UHRF2: variants seen among roughly 807,000 people sequenced by gnomAD.
UHRF2 encodes the protein E3 ubiquitin-protein ligase UHRF2.
Under a neutral mutation model 96.8 loss-of-function variants are expected in UHRF2, and 23 were observed. That is an observed-to-expected ratio of 0.24 (90% confidence interval 0.17 to 0.34). The LOEUF (loss-of-function observed/expected upper bound fraction) is 0.34. UHRF2 is among the 10% of genes least tolerant of loss of function. The pLI, the probability that UHRF2 is intolerant of heterozygous loss-of-function variation, is 1.00. For synonymous variants in UHRF2, 385 were observed against 332.6 expected, an observed-to-expected ratio of 1.16 and a Z score of -1.72; for missense variants, 685 against 981.5, an observed-to-expected ratio of 0.70 and a Z score of 4.04.
At chr9:6,484,787 T>TTA (rs199531374) in intron 8 of UHRF2, 1 of 113,158 alleles carries the variant, frequency 8.8e-6, no homozygotes. Context: ...ACTTCTTTCT[T>TTA]TTTTTTTTTT....
chr9:6,433,613 A>G (rs895563432), intron 2 of UHRF2, among the ~76,000 whole-genome samples: 1 of 152,044 alleles, frequency 6.6e-6, no homozygotes, highest in Admixed American at 6.6e-5. Context: ...TGCAAGAATG[A>G]CTCTTAGGTA....
At chr9:6,434,349 G>C (rs1005846107) in intron 3 of UHRF2, 176 bp downstream of exon 3, 4 of 655,508 alleles carry the variant, frequency 6.1e-6, no homozygotes, top group Non-Finnish European at 9.8e-6. Flanking sequence ...TTTAGCTCTC[G>C]ATTATCTCTG....
intron 4 of UHRF2, among the ~76,000 whole-genome samples, chr9:6,464,374 C>T (rs1822739187): frequency 6.6e-6 from 1 of 152,110 alleles, no homozygotes; most frequent in South Asian, 2.1e-4. Context: ...TTTTCTAATT[C>T]TGTGGCTTGT....
chr9:6,481,578 AT>A, intron 6 of UHRF2, 64 bp from the exon 7 acceptor site: 8 of 1,565,632 alleles, frequency 5.1e-6, no homozygotes, highest in Non-Finnish European at 6.9e-6. Flanking sequence ...AGGAAGGCTA[AT>A]ATTCTGTTAC....
intron 3 of UHRF2, among the ~76,000 whole-genome samples, chr9:6,444,550 CCT>C (rs1821374337): frequency 6.6e-6 from 1 of 152,096 alleles, no homozygotes; most frequent in Non-Finnish European, 1.5e-5. Flanking sequence ...CTGAGGGGAC[CCT>C]CTCTCTCCCT....
At chr9:6,478,730 G>A (rs760176184) in intron 6 of UHRF2, among the ~76,000 whole-genome samples, 1 of 152,164 alleles carries the variant, frequency 6.6e-6, no homozygotes, top group African/African-American at 2.4e-5. Context: ...ATTGGTATCT[G>A]TGAAAAATAG....
chr9:6,462,008 AAAT>A (rs529525400), intron 4 of UHRF2, among the ~76,000 whole-genome samples: 4 of 152,046 alleles, frequency 2.6e-5, no homozygotes, highest in Non-Finnish European at 4.4e-5. Context: ...AAAAAAAAAA[AAAT>A]AAGAGAAACA....
chr9:6,481,804 T>C, intron 7 of UHRF2, 38 bp downstream of exon 7: 1 of 1,594,258 alleles, frequency 6.3e-7, no homozygotes, highest in Admixed American at 1.9e-5. Flanking sequence ...TAATAGCAAG[T>C]TATAATATAT....
rs370826189 is a variant in UHRF2, at chr9:6,413,455, G to A, written c.-36G>A. On this transcript the variant is annotated 5_prime_UTR_variant, in exon 1 of 16. Transcript: ENST00000276893. ...GGGCGCGGCGCCCAGAGCTCAGGGG[G>A]AGACAAAGGGGACCGGTTCCTCTCT... 2.4e-5 allele frequency: 36 copies of A among 1,479,182 alleles called. No individual in the cohort carries two copies. The African/African-American group carries it at 2.5e-4, about 10-fold the overall frequency. The allele number at this position is 1,479,182 out of a possible 1,614,324, so 91.6% of individuals were successfully genotyped here. A position where few individuals can be genotyped will look rare whatever the true frequency, so the allele number is the denominator to read the frequency against.
intron 1 of UHRF2, among the ~76,000 whole-genome samples, chr9:6,416,052 C>T (rs960789403): frequency 1.3e-5 from 2 of 152,062 alleles, no homozygotes; most frequent in Non-Finnish European, 2.9e-5. Flanking sequence ...TGTTAATTGA[C>T]TCCACTTTTT....
Position 6,497,143 on chromosome 9 carries a change from A to G in UHRF2, c.1605-55A>G, listed in dbSNP as rs530608744. 8 of 1,543,414 alleles carry G rather than the reference A, an allele frequency of 5.2e-6. No individual in the cohort carries two copies. The South Asian group carries it at 6.9e-5, about 13-fold the overall frequency. ...ACCTTTTAATTGAGCTAATGACTCG[A>G]TTGTGTACTTGAAGAAAAATTACAT... On this transcript the variant is annotated intron_variant, in intron 10 of 15. Transcript: ENST00000276893.
intron 1 of UHRF2, among the ~76,000 whole-genome samples, chr9:6,419,653 C>A (rs4742198): frequency 0.96 from 146,153 of 152,354 alleles, 70,129 homozygotes; most frequent in East Asian, 0.99. Context: ...ACTGATTAAA[C>A]ATAAAACTTG....
At chr9:6,455,202 A>G (rs747137057) in intron 3 of UHRF2, among the ~76,000 whole-genome samples, 9 of 152,192 alleles carry the variant, frequency 5.9e-5, no homozygotes, top group Non-Finnish European at 8.8e-5. Flanking sequence ...CGTTTGTTAC[A>G]TATGCATACA....
intron 6 of UHRF2, among the ~76,000 whole-genome samples, chr9:6,480,642 C>T (rs1025813792): frequency 1.3e-5 from 2 of 152,164 alleles, no homozygotes; most frequent in African/African-American, 4.8e-5. Context: ...TGCTTTAAAT[C>T]ACAGAATCTT....
intron 3 of UHRF2, among the ~76,000 whole-genome samples, chr9:6,437,536 T>G (rs1820923805): frequency 6.6e-6 from 1 of 152,186 alleles, no homozygotes; most frequent in Admixed American, 6.5e-5. Flanking sequence ...CCTGGCCAGA[T>G]TTTTTTATTG....
chr9:6,480,195 GT>G (rs1193045015), intron 6 of UHRF2, among the ~76,000 whole-genome samples: 7 of 152,070 alleles, frequency 4.6e-5, no homozygotes, highest in African/African-American at 1.4e-4. Context: ...GCACTTAACT[GT>G]TTCTTTGCCA....
chr9:6,455,452 T>C lies in UHRF2; in HGVS notation c.645-5121T>C, dbSNP rs187945518. 4.1e-4 allele frequency among the ~76,000 whole-genome samples: 62 copies of C among 152,320 alleles called. 2 individuals carry two copies. The East Asian group carries it at 0.012, about 28-fold the overall frequency. The stretch of plus-strand genomic sequence containing the variant: ...TGGTTTCCAGCTTCATCCCTGTCCC[T>C]ACAAAGGACATGCACTTATCCTTTT... On this transcript the variant is annotated intron_variant, in intron 3 of 15. Coordinates refer to ENST00000276893, the MANE Select transcript of UHRF2 (RefSeq NM_152896.3).
chr9:6,461,358 CCCTCCTCCTCTCCCCCT>C (rs1393136776), intron 4 of UHRF2, among the ~76,000 whole-genome samples: 2 of 95,322 alleles, frequency 2.1e-5, no homozygotes, highest in African/African-American at 8.6e-5. Flanking sequence ...TCTCTCCCCC[CCCTCCTCCTCTCCCCCT>C]CCTCCTTCTC....
chr9:6,429,228 A>G (rs775622145), intron 2 of UHRF2, among the ~76,000 whole-genome samples: 1 of 152,068 alleles, frequency 6.6e-6, no homozygotes, highest in African/African-American at 2.4e-5. Flanking sequence ...GAGAACCTGT[A>G]TTCTCAGCTT....
Sources: gnomAD v4.1 joint callset for allele counts (sites outside exome capture counted in the v4.1 genomes callset) on GRCh38, gnomAD v4.1.1 for gene constraint, MANE v1.5 for transcripts, NCBI Gene and HGNC (gene_info 2026-07-23, HGNC 2026-07-21) for gene names.